The following SLFN13 variants were observed in gnomAD, a reference collection of about 807,000 sequenced individuals.
The protein encoded by SLFN13 is schlafen family member 13.
Under a neutral mutation model 50.6 loss-of-function variants are expected in SLFN13, and 43 were observed. The ratio of observed to expected loss-of-function variants is 0.85; its 90% CI spans 0.67 to 1.09. The LOEUF (loss-of-function observed/expected upper bound fraction) is 1.09. Among genes scored for constraint, SLFN13 ranks in the 50% least tolerant of loss-of-function variants. SLFN13 has a pLI of 0.00. For missense variants in SLFN13, 881 were observed against 1,071.1 expected (o/e 0.82, Z 2.48); for synonymous variants, 339 against 386.5 (o/e 0.88, Z 1.44).
chr17:35,443,169 G>GA (rs1031216041), intron 4 of SLFN13, among the ~76,000 whole-genome samples: 5 of 152,092 alleles, frequency 3.3e-5, no homozygotes, highest in African/African-American at 1.2e-4. Flanking sequence ...GGAACTCCGA[G>GA]AAAAAAACCT....
chr17:35,440,282 T>C lies in SLFN13; in HGVS notation c.*313A>G, dbSNP rs1156266158. The C allele has an allele frequency of 7.0e-6, 2 of 285,520 alleles. No homozygotes were observed. Among genetic ancestry groups the C allele is most frequent in the Non-Finnish European group, 1.3e-5 (2 of 153,778 alleles). 17.7% of individuals were successfully genotyped at this position (285,520 alleles called of 1,614,324 possible). On this transcript the variant is annotated 3_prime_UTR_variant, in exon 6 of 6. Coordinates refer to ENST00000285013, the MANE Select transcript of SLFN13 (RefSeq NM_144682.6). The stretch of plus-strand genomic sequence containing the variant: ...CCACAGGCTGAGTTTCTTATTTTTA[T>C]GGCTTTTACCCAGAGAGCAAGACAC...
chr17:35,442,313 T>C (rs780830848), intron 4 of SLFN13, 27 bp from the exon 5 acceptor site: 1 of 1,533,258 alleles, frequency 6.5e-7, no homozygotes, highest in Non-Finnish European at 8.7e-7. Context: ...TAGAAAGATG[T>C]TTTCACTGTG....
Position 35,442,198 on chromosome 17 carries a change from C to G in SLFN13, c.1287G>C (p.Lys429Asn). ...TTCCCTGGGAGAAAGGTCGCATTTGCTTGTGTATTAACTCCTTTAGTCCTT... is the reference window on the plus strand; with the variant it reads ...TTCCCTGGGAGAAAGGTCGCATTTGGTTGTGTATTAACTCCTTTAGTCCTT... ...QHEGLKELIH[K>N]QMRPFSQGIV... The change falls in exon 5 of 6, where the codon AAG becomes AAC. Residue 429 changes from lysine (K) to asparagine (N), a missense_variant. Around this residue, in one of 5 missense-constraint regions of SLFN13, gnomAD observed 497 missense variants for 518.3 expected, o/e 0.96. Coordinates refer to ENST00000285013, the MANE Select transcript of SLFN13 (RefSeq NM_144682.6). 1 of 1,614,174 alleles carries G rather than the reference C, an allele frequency of 6.2e-7. No homozygotes were observed. The highest frequency in any genetic ancestry group is 8.5e-7 in the Non-Finnish European group (1 of 1,180,008).
chr17:35,446,469 C>A (rs7222008), intron 2 of SLFN13, among the ~76,000 whole-genome samples: 32,936 of 152,064 alleles, frequency 0.22, 4,308 homozygotes, highest in East Asian at 0.47. Flanking sequence ...AATTCCAGTT[C>A]TGCCATTTAG....
In SLFN13 at chr17:35,443,839, G is replaced by T. The variant is rs1233837832; in HGVS notation, c.1148C>A (p.Ser383Tyr). The T allele has an allele frequency of 7.4e-6, 12 of 1,613,184 alleles. No homozygotes were observed. Among genetic ancestry groups the T allele is most frequent in the Non-Finnish European group, 1.0e-5 (12 of 1,179,376 alleles). ...AGCTTTGTGTTCCAGACCTTTCTTA[G>T]AATACACTGGTCTGCAAAGTGAAGG... ...DSPSLCRPVY[S>Y]KKGLEHKADL... is the part of the protein sequence containing the mutation. The change falls in exon 4 of 6, where the codon TCT (serine) becomes TAT (tyrosine). Residue 383 changes from serine to tyrosine, a missense_variant. By Grantham distance (144) the Ser-to-Tyr change is moderately radical. Around this residue, in one of 5 missense-constraint regions of SLFN13, gnomAD observed 497 missense variants for 518.3 expected, o/e 0.96. Transcript: ENST00000285013.
chr17:35,449,032 G>A (rs1259650952), upstream of SLFN13, among the ~76,000 whole-genome samples: 2 of 137,616 alleles, frequency 1.5e-5, no homozygotes, highest in Admixed American at 1.6e-4. Flanking sequence ...AGCACAGTGG[G>A]ACCCCCGTCT....
rs1276634280 is a variant in SLFN13, at chr17:35,448,754, A to C, written c.-193T>G. On this transcript the variant is annotated 5_prime_UTR_variant, in exon 1 of 6. Coordinates refer to ENST00000285013, the MANE Select transcript of SLFN13 (RefSeq NM_144682.6). ...GCTCCAGCGCGTCAAGCTCCAGGACACTCCGCGTTTCCCTGGAGGCGCCAA... is the reference window on the plus strand; with the variant it reads ...GCTCCAGCGCGTCAAGCTCCAGGACCCTCCGCGTTTCCCTGGAGGCGCCAA... 2 of 152,108 alleles carry C rather than the reference A, an allele frequency of 1.3e-5. No individual in the cohort carries two copies. The highest frequency in any genetic ancestry group is 2.9e-5 in the Non-Finnish European group (2 of 68,086). The allele number at this position is 152,108 out of a possible 1,614,324, so 9.4% of individuals were successfully genotyped here.
At chr17:35,449,706 G>T (rs1447032767), upstream of SLFN13, among the ~76,000 whole-genome samples, 1 of 152,154 alleles carries the variant, frequency 6.6e-6, no homozygotes, top group Admixed American at 6.5e-5. Flanking sequence ...GGTGTTAAAG[G>T]CTGCGGCAGA....
rs1567859723 is a variant in SLFN13, at chr17:35,440,439, G to C, written c.*156C>G. On this transcript the variant is annotated 3_prime_UTR_variant, in exon 6 of 6. Coordinates refer to ENST00000285013, the MANE Select transcript of SLFN13 (RefSeq NM_144682.6). ...GTTGGGGGAGGAACCCCTGAAAGGA[G>C]AGCCAGAAATGGGGGAGCTCCAAAC... 4 of 887,084 alleles carry C rather than the reference G, an allele frequency of 4.5e-6. No individual in the cohort carries two copies. In the African/African-American group the frequency reaches 5.1e-5, roughly 11 times the overall value. The allele number at this position is 887,084 out of a possible 1,614,324, so 55.0% of individuals were successfully genotyped here.
upstream of SLFN13, among the ~76,000 whole-genome samples, chr17:35,449,676 A>C (rs911572926): frequency 2.0e-5 from 3 of 151,970 alleles, no homozygotes; most frequent in African/African-American, 7.3e-5. Context: ...AAACCCATAC[A>C]CTCGGACAGA....
At position 35,436,419 on chromosome 17, in the gene SLFN13, T is replaced by C. The variant is rs1912646698; in HGVS notation, c.*4176A>G. The C allele has an allele frequency of 6.6e-6, 1 of 152,044 alleles. No homozygotes were observed. Among genetic ancestry groups the C allele is most frequent in the South Asian group, 2.1e-4 (1 of 4,836 alleles). The allele number at this position is 152,044 out of a possible 1,614,324, so 9.4% of individuals were successfully genotyped here. On this transcript the variant is annotated 3_prime_UTR_variant, in exon 6 of 6. Coordinates refer to ENST00000285013, the MANE Select transcript of SLFN13 (RefSeq NM_144682.6). ...TCAGTTCTCTGAACTCTTTGAATAA[T>C]TACTTTTTAATTAGAAAAAAATCTC...
Position 35,445,997 on chromosome 17 carries a change from C to T in SLFN13, c.-13-304G>A, listed in dbSNP as rs1214189149. The T allele has an allele frequency of 7.1e-5, 17 of 238,134 alleles. No individual in the cohort carries two copies. In the South Asian group the frequency reaches 1.0e-3, roughly 15 times the overall value. The allele number at this position is 238,134 out of a possible 1,614,324, so 14.8% of individuals were successfully genotyped here. A position where few individuals can be genotyped will look rare whatever the true frequency, so the allele number is the denominator to read the frequency against. The stretch of plus-strand genomic sequence containing the variant: ...GGAGTAGGTTCCATTTAGGCCAAGA[C>T]TTAAAAGATGCACTAGAACTGGCCA... On this transcript the variant is annotated intron_variant, in intron 2 of 5. Coordinates refer to ENST00000285013, the MANE Select transcript of SLFN13 (RefSeq NM_144682.6).
At chr17:35,441,505 CA>C (rs1912890575) in intron 5 of SLFN13, 57 bp downstream of exon 5, 1 of 1,608,370 alleles carries the variant, frequency 6.2e-7, no homozygotes, top group Admixed American at 1.7e-5. Context: ...GGTGACTTAG[CA>C]GAAAAAATTA....
chr17:35,445,128 CAG>C lies in SLFN13; in HGVS notation c.551_552del (p.Ser184Ter), dbSNP rs1913134261. Reference protein sequence around the residue: ...KIMKAVYQNISESNPAYEVFQ... With the variant: ...KIMKAVYQNIXESNPAYEVFQ... ...AAAACTTCATATGCAGGATTTGACT[CAG>C]ATATGTTCTGGTATACAGCTTTCAT... is the stretch of plus-strand genomic sequence containing the variant. On this transcript the variant is annotated frameshift_variant, in exon 3 of 6. Transcript: ENST00000285013. LOFTEE classifies it high-confidence loss of function. The C allele has an allele frequency of 1.9e-6, 3 of 1,613,244 alleles. No individual in the cohort carries two copies. The highest frequency in any genetic ancestry group is 2.5e-6 in the Non-Finnish European group (3 of 1,180,040).
chr17:35,441,553 A>G lies in SLFN13; in HGVS notation c.1922+10T>C. 2 of 1,611,192 alleles carry G rather than the reference A, an allele frequency of 1.2e-6. No homozygotes were observed. The highest frequency in any genetic ancestry group is 2.2e-5 in the South Asian group (2 of 90,662). On this transcript the variant is annotated intron_variant, in intron 5 of 5. Transcript: ENST00000285013. The stretch of plus-strand genomic sequence containing the variant: ...AATAAAACTTAAAGACGTAAGATCC[A>G]ACTGCTTACCTGATAAAGTTCCTCA...
rs1912742443 is a variant in SLFN13 at position 35,439,448 on chromosome 17, A to AG, written c.*1146_*1147insC. ...ATGCATACAGCTACGCTGAGATGTTACAATGTAACAACATAAACTCACTGC... is the reference window on the plus strand; with the variant it reads ...ATGCATACAGCTACGCTGAGATGTTAGCAATGTAACAACATAAACTCACTGC... On this transcript the variant is annotated 3_prime_UTR_variant, in exon 6 of 6. Coordinates refer to ENST00000285013, the MANE Select transcript of SLFN13 (RefSeq NM_144682.6). 6.6e-6 allele frequency: 1 copy of AG among 151,396 alleles called. No homozygotes were observed. 9.4% of individuals were successfully genotyped at this position (151,396 alleles called of 1,614,324 possible).
In SLFN13 at chr17:35,445,276, G is replaced by C. The variant is rs1328819864; in HGVS notation, c.405C>G (p.Tyr135Ter). ...GAAGCACAGAGGTGCCAGATCTACA[G>C]TATAATGAAGAACTAAGGCTGCAAA... Reference protein sequence around the residue: ...SRICSLSSSLYCRSGTSVLHM... With the variant: ...SRICSLSSSL The change falls in exon 3 of 6, where the codon TAC (tyrosine) becomes TAG (stop). Residue 135 changes from tyrosine to a stop codon, truncating the protein, a stop_gained. Coordinates refer to ENST00000285013, the MANE Select transcript of SLFN13 (RefSeq NM_144682.6). LOFTEE classifies it high-confidence loss of function. The C allele has an allele frequency of 6.2e-7, 1 of 1,613,934 alleles. No individual in the cohort carries two copies. The highest frequency in any genetic ancestry group is 8.5e-7 in the Non-Finnish European group (1 of 1,180,004).
chr17:35,448,585 T>TG (rs145674942), intron 1 of SLFN13, 137 bp downstream of exon 1: 14,239 of 152,622 alleles, frequency 0.093, 761 homozygotes, highest in East Asian at 0.15. Context: ...TGGCCGGAGC[T>TG]GGGGGGCGGG....
At position 35,437,199 on chromosome 17, in the gene SLFN13, T is replaced by C. The variant is rs1002354202; in HGVS notation, c.*3396A>G. The stretch of plus-strand genomic sequence containing the variant: ...TTTTAAACTTTTGATTGTTTTATTA[T>C]TATTTTGTTAGACATGGGGTCTTAT... On this transcript the variant is annotated 3_prime_UTR_variant, in exon 6 of 6. Transcript: ENST00000285013. 2 of 152,092 alleles carry C rather than the reference T, an allele frequency of 1.3e-5. No individual in the cohort carries two copies. The highest frequency in any genetic ancestry group is 4.8e-5 in the African/African-American group (2 of 41,432). 9.4% of individuals were successfully genotyped at this position (152,092 alleles called of 1,614,324 possible).
Sources: allele counts gnomAD v4.1 joint callset (sites outside exome capture counted in the v4.1 genomes callset), GRCh38; gene constraint gnomAD v4.1.1; regional missense constraint gnomAD v4.1.1; transcripts MANE v1.5; gene names NCBI Gene and HGNC (gene_info 2026-07-23, HGNC 2026-07-21).